The following ARMC9 variants were observed in gnomAD, a reference collection of about 807,000 sequenced individuals.
ARMC9 encodes armadillo repeat containing 9, also known as lisH domain-containing protein ARMC9.
A neutral mutation model predicts 107.0 loss-of-function variants in ARMC9; 94 were observed. That is an observed-to-expected ratio of 0.88 (90% CI 0.74 to 1.04). The LOEUF is 1.04. Among genes scored for constraint, ARMC9 ranks in the 50% least tolerant of loss-of-function variants. The pLI is 0.00. For synonymous variants in ARMC9, 380 were observed against 396.9 expected (o/e 0.96, Z 0.51); for missense variants, 942 against 1,030.1 (o/e 0.91, Z 1.17).
At chr2:231,345,172 A>G (rs972785437) in intron 21 of ARMC9, 82 bp downstream of exon 21, 14 of 1,558,930 alleles carry the variant, frequency 9.0e-6, no homozygotes, top group Non-Finnish European at 1.0e-5. Context: ...TATTTTTAAA[A>G]TTCAAAATAA....
At chr2:231,356,602 C>T (rs1374518077) in intron 22 of ARMC9, among the ~76,000 whole-genome samples, 7 of 152,178 alleles carry the variant, frequency 4.6e-5, no homozygotes, top group Admixed American at 4.6e-4. Flanking sequence ...GAACTTGCAT[C>T]TGCTCACAAT....
In ARMC9 at chr2:231,355,861, C is replaced by A; in HGVS notation, c.2058C>A (p.Ala686=). Residue 686 remains alanine (A), a synonymous_variant, in exon 22 of 25, where the codon GCC becomes GCA. Coordinates refer to ENST00000611582, the MANE Select transcript of ARMC9 (RefSeq NM_001352754.2). ...AQHARNGHPQ[A]LPAAHEAVYR... Reference sequence around the variant, plus strand: ...ACGCCAGAAACGGCCACCCGCAGGCCCTGCCAGCCGCTCACGAGGCTGTCT... The same window carrying A: ...ACGCCAGAAACGGCCACCCGCAGGCACTGCCAGCCGCTCACGAGGCTGTCT... 1 of 1,536,162 alleles carries A rather than the reference C, an allele frequency of 6.5e-7. No homozygotes were observed. Among genetic ancestry groups the A allele is most frequent in the Non-Finnish European group, 8.7e-7 (1 of 1,146,908 alleles).
intron 19 of ARMC9, among the ~76,000 whole-genome samples, chr2:231,307,118 C>G (rs1464853997): frequency 6.6e-6 from 1 of 152,194 alleles, no homozygotes; most frequent in South Asian, 2.1e-4. Flanking sequence ...GGGAACAGCT[C>G]TGCTCCATGG....
chr2:231,202,160 C>T (rs184298217), intron 1 of ARMC9, among the ~76,000 whole-genome samples: 17 of 151,948 alleles, frequency 1.1e-4, no homozygotes, highest in South Asian at 8.3e-4. Context: ...CCACCACACC[C>T]GGCTAATTTT....
At chr2:231,226,672 T>G in intron 6 of ARMC9, 102 bp from the exon 7 acceptor site, 4 of 1,380,990 alleles carry the variant, frequency 2.9e-6, no homozygotes, top group Non-Finnish European at 4.1e-6. Flanking sequence ...AGAATTCTGT[T>G]TCATCATGCT....
At chr2:231,241,270 T>C (rs578252801) in intron 9 of ARMC9, among the ~76,000 whole-genome samples, 75 of 152,262 alleles carry the variant, frequency 4.9e-4, no homozygotes, top group African/African-American at 1.7e-3. Context: ...ATTCGGGTTA[T>C]GCATCCCTGA....
At chr2:231,232,983 T>G (rs2035379363) in intron 7 of ARMC9, among the ~76,000 whole-genome samples, 1 of 152,042 alleles carries the variant, frequency 6.6e-6, no homozygotes, top group African/African-American at 2.4e-5. Flanking sequence ...ACTGAGTAGC[T>G]GGGACTACAG....
chr2:231,326,197 A>G (rs948463853), intron 19 of ARMC9, among the ~76,000 whole-genome samples: 4 of 152,214 alleles, frequency 2.6e-5, no homozygotes, highest in Admixed American at 6.5e-5. Context: ...GGGCTGCCCC[A>G]AGCTTAAAGT....
chr2:231,259,103 G>A lies in ARMC9; in HGVS notation c.1026+1G>A. 1 of 1,609,970 alleles carries A rather than the reference G, an allele frequency of 6.2e-7. No homozygotes were observed. Among genetic ancestry groups the A allele is most frequent in the Non-Finnish European group, 8.5e-7 (1 of 1,176,994 alleles). On this transcript the variant is annotated splice_donor_variant, in intron 11 of 24. Transcript: ENST00000611582. LOFTEE classifies it high-confidence loss of function. The stretch of plus-strand genomic sequence containing the variant: ...CTTCTTGTTGCAGGCTCTGCGCTGG[G>A]TAGGTACCTTTGTCTTAAAGTTAGA...
At chr2:231,202,731 G>A (rs1242105843) in intron 1 of ARMC9, among the ~76,000 whole-genome samples, 1 of 152,116 alleles carries the variant, frequency 6.6e-6, no homozygotes, top group Non-Finnish European at 1.5e-5. Context: ...TCATATATCT[G>A]TAAGAATTAA....
chr2:231,331,737 C>T, intron 19 of ARMC9, 56 bp from the exon 20 acceptor site: 1 of 1,499,922 alleles, frequency 6.7e-7, no homozygotes, highest in Non-Finnish European at 9.3e-7. Context: ...GGGAGCCACG[C>T]CTTGGGAGCT....
intron 20 of ARMC9, among the ~76,000 whole-genome samples, chr2:231,338,370 G>T (rs114236615): frequency 6.6e-6 from 1 of 151,812 alleles, no homozygotes; most frequent in African/African-American, 2.4e-5. Flanking sequence ...GACTACAGGC[G>T]TATGTGCCAC....
chr2:231,337,195 G>A (rs2044153382), intron 20 of ARMC9, among the ~76,000 whole-genome samples: 1 of 149,280 alleles, frequency 6.7e-6, no homozygotes, highest in Admixed American at 6.7e-5. Context: ...CTGTGTGACT[G>A]TAATGGTTGA....
At chr2:231,237,017 A>C (rs993214792) in intron 8 of ARMC9, among the ~76,000 whole-genome samples, 3 of 152,252 alleles carry the variant, frequency 2.0e-5, no homozygotes, top group African/African-American at 7.2e-5. Context: ...TCTAATGTAA[A>C]AGAACCGCGT....
chr2:231,235,105 C>A, intron 7 of ARMC9, 119 bp from the exon 8 acceptor site: 1 of 1,075,016 alleles, frequency 9.3e-7, no homozygotes, highest in Non-Finnish European at 1.3e-6. Flanking sequence ...AAGTAGTGTC[C>A]AGTTTATTGT....
At chr2:231,342,502 A>G (rs546078075) in intron 20 of ARMC9, among the ~76,000 whole-genome samples, 2 of 152,012 alleles carry the variant, frequency 1.3e-5, no homozygotes, top group African/African-American at 4.8e-5. Context: ...GAAAACCCGC[A>G]TGTTGACTGT....
At chr2:231,338,615 CTG>C (rs1575131996) in intron 20 of ARMC9, among the ~76,000 whole-genome samples, 1 of 148,532 alleles carries the variant, frequency 6.7e-6, no homozygotes, top group East Asian at 2.0e-4. Flanking sequence ...ACATGGCTCA[CTG>C]TGGCTTCAAC....
intron 3 of ARMC9, among the ~76,000 whole-genome samples, chr2:231,208,470 C>A (rs530728105): frequency 1.3e-5 from 2 of 152,316 alleles, no homozygotes; most frequent in African/African-American, 4.8e-5. Context: ...ACAAACATTT[C>A]TTGGGAAGAA....
chr2:231,371,065 C>T (rs1357768012), intron 24 of ARMC9: 1 of 459,088 alleles, frequency 2.2e-6, no homozygotes, highest in Non-Finnish European at 4.4e-6. Flanking sequence ...AACCCCAGCC[C>T]AGCCAGTCGC....
Sources: gnomAD v4.1 joint callset for allele counts (sites outside exome capture counted in the v4.1 genomes callset) on GRCh38, gnomAD v4.1.1 for gene constraint, MANE v1.5 for transcripts, NCBI Gene and HGNC (gene_info 2026-07-23, HGNC 2026-07-21) for gene names.